TANC1: variants seen among roughly 807,000 people sequenced by gnomAD.
The protein encoded by TANC1 is protein TANC1.
In TANC1, 77 loss-of-function variants were observed where a neutral mutation model predicts 149.7. That is an observed-to-expected ratio of 0.51 (90% CI 0.43 to 0.62). TANC1 has a LOEUF of 0.62. Among genes scored for constraint, TANC1 ranks in the 20% least tolerant of loss-of-function variants. The pLI is 0.00. For missense variants in TANC1, 1,985 were observed against 2,321.8 expected, an observed-to-expected ratio of 0.85 and a Z score of 2.98; for synonymous variants, 854 against 925.0, an observed-to-expected ratio of 0.92 and a Z score of 1.39.
intron 2 of TANC1, among the ~76,000 whole-genome samples, chr2:159,025,645 T>A (rs2039277748): frequency 6.6e-6 from 1 of 152,222 alleles, no homozygotes; most frequent in Non-Finnish European, 1.5e-5. Context: ...TCCTTTTTTT[T>A]AGCACAGTAA....
rs548923419 is a variant in TANC1 at position 158,993,321 on chromosome 2, A to G, written c.-125-7759A>G. 1.9e-4 allele frequency among the ~76,000 whole-genome samples: 29 copies of G among 152,286 alleles called. 1 individual carries two copies. Among genetic ancestry groups the G allele is most frequent in the African/African-American group, 6.7e-4 (28 of 41,562 alleles). On this transcript the variant is annotated intron_variant, in intron 1 of 26. Coordinates refer to ENST00000263635, the MANE Select transcript of TANC1 (RefSeq NM_033394.3). ...TTCTGTCAGGCAGGAGTGCAATGGC[A>G]CGATCAGCTTACTTGAGCCTCCTAG...
chr2:159,159,633 C>T (rs888399005), intron 7 of TANC1, among the ~76,000 whole-genome samples: 11 of 151,578 alleles, frequency 7.3e-5, no homozygotes, highest in African/African-American at 1.9e-4. Flanking sequence ...TAAAAATACG[C>T]TGTATGTATA....
chr2:159,102,843 C>T (rs1304798744), intron 4 of TANC1, among the ~76,000 whole-genome samples: 5 of 91,692 alleles, frequency 5.5e-5, no homozygotes, highest in African/African-American at 6.5e-5. Context: ...TTCAGCCTTC[C>T]GAGTAGCTGG....
Position 159,230,667 on chromosome 2 carries a change from G to T in TANC1, c.5241G>T (p.Pro1747=), listed in dbSNP as rs758359486. The change falls in exon 27 of 27, where the codon CCG becomes CCT. Residue 1747 remains proline (P), a synonymous_variant. Transcript: ENST00000263635. The surrounding 1 kb of genome is among the most constrained non-coding windows in gnomAD (Gnocchi z 4.4). ...CTCCAAGCCGCAGCTGGCACTGTCC[G>T]GCACCAGAGGGGCTGCTGACAAACA... ...SNPPSRSWHC[P]APEGLLTNTS... is the part of the protein sequence containing the mutation. 6.8e-6 allele frequency: 11 copies of T among 1,614,186 alleles called. No individual in the cohort carries two copies. Among genetic ancestry groups the T allele is most frequent in the South Asian group, 5.5e-5 (5 of 91,082 alleles).
chr2:159,158,849 C>T (rs1221499806), intron 7 of TANC1, among the ~76,000 whole-genome samples: 1 of 152,218 alleles, frequency 6.6e-6, no homozygotes, highest in Admixed American at 6.5e-5. Flanking sequence ...AGACGCATAC[C>T]TCCTTGTGGA....
intron 17 of TANC1, among the ~76,000 whole-genome samples, chr2:159,194,860 A>G (rs1272969931): frequency 6.6e-6 from 1 of 152,094 alleles, no homozygotes; most frequent in Admixed American, 6.5e-5. Context: ...ATCCCATTTT[A>G]TGTCCTTTTA....
intron 4 of TANC1, among the ~76,000 whole-genome samples, chr2:159,102,571 G>C (rs1039278931): frequency 7.4e-6 from 1 of 135,282 alleles, no homozygotes; most frequent in Non-Finnish European, 1.6e-5. Context: ...TGGGATTACA[G>C]GCATGAGCCA....
chr2:158,972,163 G>A (rs2032978034), intron 1 of TANC1, among the ~76,000 whole-genome samples: 2 of 152,116 alleles, frequency 1.3e-5, no homozygotes, highest in Non-Finnish European at 2.9e-5. Flanking sequence ...TTTTTATTAA[G>A]TAGGCTTCAG....
At chr2:159,168,682 T>G (rs2054868315) in intron 8 of TANC1, among the ~76,000 whole-genome samples, 1 of 152,058 alleles carries the variant, frequency 6.6e-6, no homozygotes, top group Admixed American at 6.6e-5. Flanking sequence ...ATTTTTATAA[T>G]AAAAAACACC....
At chr2:158,998,459 T>G (rs920669976) in intron 1 of TANC1, among the ~76,000 whole-genome samples, 8 of 152,122 alleles carry the variant, frequency 5.3e-5, no homozygotes, top group Admixed American at 3.9e-4. Context: ...AAAATGTAAT[T>G]TCTACATTCT....
chr2:159,102,353 C>T (rs898017753), intron 4 of TANC1, among the ~76,000 whole-genome samples: 3 of 151,880 alleles, frequency 2.0e-5, no homozygotes. Context: ...TATCAAGGCT[C>T]ACTGTAGCCT....
At chr2:158,983,892 A>G (rs2034713091) in intron 1 of TANC1, among the ~76,000 whole-genome samples, 1 of 152,222 alleles carries the variant, frequency 6.6e-6, no homozygotes, top group South Asian at 2.1e-4. Context: ...TTTGAACAGA[A>G]GTGGAGGAAC....
chr2:159,186,861 T>G, intron 15 of TANC1, 41 bp from the exon 16 acceptor site: 2 of 1,613,394 alleles, frequency 1.2e-6, no homozygotes, highest in Non-Finnish European at 1.7e-6. Flanking sequence ...CAGGCAGATC[T>G]GTCTCTGATT....
In TANC1 at chr2:159,026,158, C is replaced by T. The variant is rs111769840; in HGVS notation, c.-16+24969C>T. 1.6e-4 allele frequency among the ~76,000 whole-genome samples: 25 copies of T among 152,324 alleles called. 1 individual carries two copies. Among genetic ancestry groups the T allele is most frequent in the African/African-American group, 6.0e-4 (25 of 41,568 alleles). ...TTGTTGCCCAGCATGGTCTTGAACA[C>T]CTGGCCTCAAGCAGTCCTCCTGTCT... On this transcript the variant is annotated intron_variant, in intron 2 of 26. Coordinates refer to ENST00000263635, the MANE Select transcript of TANC1 (RefSeq NM_033394.3).
At chr2:159,157,222 T>C (rs1052195640) in intron 7 of TANC1, among the ~76,000 whole-genome samples, 38 of 152,220 alleles carry the variant, frequency 2.5e-4, no homozygotes, top group African/African-American at 8.2e-4. Flanking sequence ...CTGTTGGCAT[T>C]CCAGGCAAGG....
chr2:159,037,595 G>A (rs1233690094), intron 2 of TANC1, among the ~76,000 whole-genome samples: 1 of 152,084 alleles, frequency 6.6e-6, no homozygotes, highest in Non-Finnish European at 1.5e-5. Flanking sequence ...TTCCCAGCAC[G>A]ATTTATCAAA....
intron 2 of TANC1, among the ~76,000 whole-genome samples, chr2:159,053,918 T>C (rs1255913045): frequency 2.6e-5 from 4 of 152,200 alleles, no homozygotes; most frequent in African/African-American, 9.7e-5. Context: ...TGGACAGCAC[T>C]GTAGTTTGAA....
At chr2:159,111,543 C>T (rs995184951) in intron 4 of TANC1, among the ~76,000 whole-genome samples, 1 of 152,242 alleles carries the variant, frequency 6.6e-6, no homozygotes, top group Admixed American at 6.5e-5. Flanking sequence ...TTTATTTGGA[C>T]GAGCACCAGA....
chr2:159,217,912 G>A (rs1338456035), intron 20 of TANC1, among the ~76,000 whole-genome samples: 3 of 152,222 alleles, frequency 2.0e-5, no homozygotes, highest in East Asian at 3.8e-4. Flanking sequence ...TGGATTCATC[G>A]TGTTAACAGG....
Sources: gnomAD v4.1 joint callset for allele counts (sites outside exome capture counted in the v4.1 genomes callset) on GRCh38, gnomAD v4.1.1 for gene constraint, Gnocchi (gnomAD v3.1) non-coding constraint, MANE v1.5 for transcripts, NCBI Gene and HGNC (gene_info 2026-07-23, HGNC 2026-07-21) for gene names.